Variants in SVIP observed in about 807,000 individuals in gnomAD.
SVIP encodes the protein small VCP interacting protein.
In SVIP, 14 loss-of-function variants were observed where a neutral mutation model predicts 12.9. The ratio of observed to expected loss-of-function variants is 1.08; its 90% CI spans 0.72 to 1.70. The LOEUF (loss-of-function observed/expected upper bound fraction) is 1.70. Among genes scored for constraint, SVIP ranks in the 40% most tolerant of loss-of-function variants. SVIP has a pLI of 0.00. For missense variants in SVIP, 93 were observed against 90.8 expected (o/e 1.02, Z -0.10); for synonymous variants, 35 against 33.3 (o/e 1.05, Z -0.17).
chr11:22,821,913 AAGAT>A lies in SVIP; in HGVS notation c.*1202_*1205del, dbSNP rs1264662984. ...ATAATTTTTGTTGGAGGGGTAGATGAAGATAGTGGCTCAGTTTCCTTTGTGTAAA... is the reference window on the plus strand; with the variant it reads ...ATAATTTTTGTTGGAGGGGTAGATGAAGTGGCTCAGTTTCCTTTGTGTAAA... On this transcript the variant is annotated 3_prime_UTR_variant, in exon 4 of 4. Transcript: ENST00000354193. 1 of 152,220 alleles carries A rather than the reference AAGAT, an allele frequency of 6.6e-6. No individual in the cohort carries two copies. Among genetic ancestry groups the A allele is most frequent in the Non-Finnish European group, 1.5e-5 (1 of 68,022 alleles). 9.4% of individuals were successfully genotyped at this position (152,220 alleles called of 1,614,324 possible).
In SVIP at chr11:22,821,676, G is replaced by C. The variant is rs907288149; in HGVS notation, c.*1443C>G. The C allele has an allele frequency of 8.6e-5, 13 of 151,998 alleles. No homozygotes were observed. Among genetic ancestry groups the C allele is most frequent in the African/African-American group, 3.1e-4 (13 of 41,378 alleles). 9.4% of individuals were successfully genotyped at this position (151,998 alleles called of 1,614,324 possible). The stretch of plus-strand genomic sequence containing the variant: ...TCAAAAATTTTCATTCTAAAATATA[G>C]TTCAATGATTTCACTACCCTTTATG... On this transcript the variant is annotated 3_prime_UTR_variant, in exon 4 of 4. Transcript: ENST00000354193.
In SVIP at chr11:22,827,801, C is replaced by A. The variant is rs79508587; in HGVS notation, c.105+23G>T. The A allele has an allele frequency of 3.5e-3, 5,413 of 1,562,312 alleles. 86 individuals are homozygous for A. In the East Asian group the frequency reaches 0.041, roughly 12 times the overall value. On this transcript the variant is annotated intron_variant, in intron 2 of 3. Coordinates refer to ENST00000354193, the MANE Select transcript of SVIP (RefSeq NM_148893.3). ...GTCCAAACTCAATTATCTAAGTAGG[C>A]AAAACTTGATCTTTAATCTTACCTC... is the stretch of plus-strand genomic sequence containing the variant.
Position 22,822,881 on chromosome 11 carries a change from T to C in SVIP, c.*238A>G, listed in dbSNP as rs1418924218. 4 of 453,486 alleles carry C rather than the reference T, an allele frequency of 8.8e-6. No individual in the cohort carries two copies. Among genetic ancestry groups the C allele is most frequent in the African/African-American group, 8.0e-5 (4 of 49,798 alleles). The allele number at this position is 453,486 out of a possible 1,614,324, so 28.1% of individuals were successfully genotyped here. On this transcript the variant is annotated 3_prime_UTR_variant, in exon 4 of 4. Coordinates refer to ENST00000354193, the MANE Select transcript of SVIP (RefSeq NM_148893.3). ...TCCATTTTTTAACTACTAAGAAAAATAGCAAATCACCCACTAACTGCAGAA... is the reference window on the plus strand; with the variant it reads ...TCCATTTTTTAACTACTAAGAAAAACAGCAAATCACCCACTAACTGCAGAA...
At chr11:22,829,667 G>A in intron 1 of SVIP, 28 bp downstream of exon 1, 4 of 1,567,814 alleles carry the variant, frequency 2.6e-6, no homozygotes, top group Non-Finnish European at 3.5e-6. Context: ...GGCGCGGCCC[G>A]GCGGACGCAG....
chr11:22,819,785 A>C lies in SVIP; in HGVS notation c.*3334T>G, dbSNP rs1016378016. On this transcript the variant is annotated 3_prime_UTR_variant, in exon 4 of 4. Transcript: ENST00000354193. ...GAAACTCCATCTCAAAAAACAAAACAAAACCAAAAAAAGCCAATGCAATTC... is the reference window on the plus strand; with the variant it reads ...GAAACTCCATCTCAAAAAACAAAACCAAACCAAAAAAAGCCAATGCAATTC... 1.3e-5 allele frequency: 2 copies of C among 152,722 alleles called. No homozygotes were observed. The highest frequency in any genetic ancestry group is 1.9e-4 in the East Asian group (1 of 5,216). The allele number at this position is 152,722 out of a possible 1,614,324, so 9.5% of individuals were successfully genotyped here.
Position 22,829,701 on chromosome 11 carries a change from C to T in SVIP, c.48G>A (p.Pro16=), listed in dbSNP as rs778550565. The T allele has an allele frequency of 3.7e-6, 6 of 1,603,154 alleles. No individual in the cohort carries two copies. The highest frequency in any genetic ancestry group is 1.3e-5 in the African/African-American group (1 of 74,772). ...PCPGESAPPT[P]DLEEKRAKLA... Reference sequence around the variant, plus strand: ...AGGGACCTGCTCTACTCACCAGGTCCGGCGTGGGAGGCGCGGACTCCCCGG... The same window carrying T: ...AGGGACCTGCTCTACTCACCAGGTCTGGCGTGGGAGGCGCGGACTCCCCGG... The change falls in exon 1 of 4, where the codon CCG becomes CCA. Residue 16 remains proline (P), a synonymous_variant. Coordinates refer to ENST00000354193, the MANE Select transcript of SVIP (RefSeq NM_148893.3).
chr11:22,824,484 A>G (rs543122988), intron 3 of SVIP, among the ~76,000 whole-genome samples: 45 of 141,170 alleles, frequency 3.2e-4, no homozygotes, highest in Admixed American at 1.1e-3. Flanking sequence ...GTATATATAT[A>G]TGTATATATA....
chr11:22,827,405 T>C (rs1458985328), intron 2 of SVIP, 85 bp from the exon 3 acceptor site: 5 of 1,145,250 alleles, frequency 4.4e-6, no homozygotes, highest in Non-Finnish European at 6.3e-6. Context: ...CTTTGCTTTC[T>C]AGGTTTTTCT....
In SVIP at chr11:22,819,296, G is replaced by A. The variant is rs1293093761; in HGVS notation, c.*3823C>T. 6.6e-6 allele frequency: 1 copy of A among 152,176 alleles called. No homozygotes were observed. The highest frequency in any genetic ancestry group is 1.9e-4 in the East Asian group (1 of 5,204). 9.4% of individuals were successfully genotyped at this position (152,176 alleles called of 1,614,324 possible). ...GAAAAGGAGTTTAGCATAACTCCTTGATATCTGACTTATGTAACAAGATAA... is the reference window on the plus strand; with the variant it reads ...GAAAAGGAGTTTAGCATAACTCCTTAATATCTGACTTATGTAACAAGATAA... On this transcript the variant is annotated 3_prime_UTR_variant, in exon 4 of 4. Coordinates refer to ENST00000354193, the MANE Select transcript of SVIP (RefSeq NM_148893.3).
chr11:22,820,776 T>A lies in SVIP; in HGVS notation c.*2343A>T, dbSNP rs1214886403. ...AGCACGTTACAAAGAGGCCGTGTAA[T>A]AATTCACAACTTTTGTTAGCAGCCG... On this transcript the variant is annotated 3_prime_UTR_variant, in exon 4 of 4. Coordinates refer to ENST00000354193, the MANE Select transcript of SVIP (RefSeq NM_148893.3). 1 of 152,198 alleles carries A rather than the reference T, an allele frequency of 6.6e-6. No individual in the cohort carries two copies. Among genetic ancestry groups the A allele is most frequent in the Non-Finnish European group, 1.5e-5 (1 of 68,030 alleles). 9.4% of individuals were successfully genotyped at this position (152,198 alleles called of 1,614,324 possible). A position where few individuals can be genotyped will look rare whatever the true frequency, so the allele number is the denominator to read the frequency against.
At chr11:22,828,130 C>T (rs897783803) in intron 1 of SVIP, among the ~76,000 whole-genome samples, 3 of 152,106 alleles carry the variant, frequency 2.0e-5, no homozygotes, top group African/African-American at 2.4e-5. Context: ...AATAAAAAGG[C>T]CTACAAGCTA....
intron 3 of SVIP, among the ~76,000 whole-genome samples, chr11:22,826,501 A>G (rs1857710055): frequency 6.6e-6 from 1 of 152,192 alleles, no homozygotes; most frequent in Non-Finnish European, 1.5e-5. Flanking sequence ...TTAAAAATGG[A>G]CCAAGAATAA....
chr11:22,829,715 C>T lies in SVIP; in HGVS notation c.34G>A (p.Ala12Thr). Residue 12 changes from alanine to threonine, a missense_variant, in exon 1 of 4, where the codon GCG (alanine) becomes ACG (threonine). By Grantham distance (58) the Ala-to-Thr change is moderately conservative (BLOSUM62 0). Transcript: ENST00000354193. The part of the protein sequence containing the change: ...GLCFPCPGES[A>T]PPTPDLEEKR... ...CTCACCAGGTCCGGCGTGGGAGGCG[C>T]GGACTCCCCGGGACAAGGAAAACAC... 1.2e-6 allele frequency: 2 copies of T among 1,606,222 alleles called. No homozygotes were observed. The highest frequency in any genetic ancestry group is 1.7e-6 in the Non-Finnish European group (2 of 1,177,180).
In SVIP at chr11:22,822,837, TG is replaced by T. The variant is rs1280934461; in HGVS notation, c.*281del. 2.1e-5 allele frequency: 8 copies of T among 380,088 alleles called. No individual in the cohort carries two copies. The highest frequency in any genetic ancestry group is 3.8e-5 in the Non-Finnish European group (8 of 210,094). The allele number at this position is 380,088 out of a possible 1,614,324, so 23.5% of individuals were successfully genotyped here. A position where few individuals can be genotyped will look rare whatever the true frequency, so the allele number is the denominator to read the frequency against. The stretch of plus-strand genomic sequence containing the variant: ...ATGCAGAATGTTTACATGCAGTGTA[TG>T]TATATTCACTATTTAGTTCCATTTT... On this transcript the variant is annotated 3_prime_UTR_variant, in exon 4 of 4. Coordinates refer to ENST00000354193, the MANE Select transcript of SVIP (RefSeq NM_148893.3).
In SVIP at chr11:22,827,334, G is replaced by A. The variant is rs532472909; in HGVS notation, c.106-14C>T. On this transcript the variant is annotated splice_polypyrimidine_tract_variant and intron_variant, in intron 2 of 3. Coordinates refer to ENST00000354193, the MANE Select transcript of SVIP (RefSeq NM_148893.3). Reference sequence around the variant, plus strand: ...CCGAGATGCAGCCTTGAAGAAATTTGATAAGAAAAACAGAAAGACAACAAA... The same window carrying A: ...CCGAGATGCAGCCTTGAAGAAATTTAATAAGAAAAACAGAAAGACAACAAA... The A allele has an allele frequency of 1.5e-5, 24 of 1,581,240 alleles. No individual in the cohort carries two copies. In the East Asian group the frequency reaches 5.0e-4, roughly 33 times the overall value.
rs1857435551 is a variant in SVIP at position 22,820,379 on chromosome 11, T to C, written c.*2740A>G. 1 of 152,208 alleles carries C rather than the reference T, an allele frequency of 6.6e-6. No homozygotes were observed. The allele number at this position is 152,208 out of a possible 1,614,324, so 9.4% of individuals were successfully genotyped here. On this transcript the variant is annotated 3_prime_UTR_variant, in exon 4 of 4. Coordinates refer to ENST00000354193, the MANE Select transcript of SVIP (RefSeq NM_148893.3). ...GACAGAATTTTTATGATAGTATTAT[T>C]TCTTTAGGAAAAAACAGGATACTAA...
chr11:22,821,339 T>C lies in SVIP; in HGVS notation c.*1780A>G, dbSNP rs1041884125. The C allele has an allele frequency of 6.6e-6, 1 of 151,952 alleles. No homozygotes were observed. The highest frequency in any genetic ancestry group is 1.5e-5 in the Non-Finnish European group (1 of 67,988). The allele number at this position is 151,952 out of a possible 1,614,324, so 9.4% of individuals were successfully genotyped here. A position where few individuals can be genotyped will look rare whatever the true frequency, so the allele number is the denominator to read the frequency against. On this transcript the variant is annotated 3_prime_UTR_variant, in exon 4 of 4. Transcript: ENST00000354193. ...TGATCACACTCACGGTGACAGGCCA[T>C]GGTTGGAAGTAACATGTTCCACTTT...
intron 3 of SVIP, among the ~76,000 whole-genome samples, chr11:22,826,390 CAATA>C (rs1857705007): frequency 6.6e-6 from 1 of 150,680 alleles, no homozygotes; most frequent in African/African-American, 2.4e-5. Context: ...GAAAAAAAAC[CAATA>C]AATCTGTTGA....
At chr11:22,828,494 C>T (rs1857810456) in intron 1 of SVIP, among the ~76,000 whole-genome samples, 1 of 152,028 alleles carries the variant, frequency 6.6e-6, no homozygotes, top group South Asian at 2.1e-4. Context: ...AGTAAGTAAA[C>T]GTCTGTCAGA....
Sources: gnomAD v4.1 joint callset for allele counts (sites outside exome capture counted in the v4.1 genomes callset) on GRCh38, gnomAD v4.1.1 for gene constraint, MANE v1.5 for transcripts, NCBI Gene and HGNC (gene_info 2026-07-23, HGNC 2026-07-21) for gene names.